SETBP1: variants seen among roughly 807,000 people sequenced by gnomAD.
The protein encoded by SETBP1 is SET binding protein 1, also known as SET-binding protein.
In SETBP1, 9 loss-of-function variants were observed where a neutral mutation model predicts 101.0. That is an observed-to-expected ratio of 0.09 (90% CI 0.05 to 0.16). The LOEUF is 0.16. Among genes scored for constraint, SETBP1 ranks in the 10% least tolerant of loss-of-function variants. The pLI is 1.00. For synonymous variants in SETBP1, 818 were observed against 788.5 expected, an observed-to-expected ratio of 1.04 and a Z score of -0.63; for missense variants, 1,858 against 2,033.8, an observed-to-expected ratio of 0.91 and a Z score of 1.66.
intron 4 of SETBP1, among the ~76,000 whole-genome samples, chr18:45,026,588 C>T (rs551062436): frequency 1.3e-4 from 20 of 152,302 alleles, no homozygotes; most frequent in African/African-American, 4.6e-4. Context: ...AAGGATGTAA[C>T]GTGCATACTT....
At chr18:44,688,207 G>C (rs1052946158) in intron 1 of SETBP1, among the ~76,000 whole-genome samples, 1 of 152,208 alleles carries the variant, frequency 6.6e-6, no homozygotes, top group Non-Finnish European at 1.5e-5. Context: ...GCCAAATTTA[G>C]TAAACAGCAA....
intron 2 of SETBP1, among the ~76,000 whole-genome samples, chr18:44,837,158 T>C (rs1010338419): frequency 2.0e-5 from 3 of 152,198 alleles, no homozygotes; most frequent in Non-Finnish European, 4.4e-5. Context: ...TACAAGTCCC[T>C]GTTCAAGGTG....
intron 2 of SETBP1, among the ~76,000 whole-genome samples, chr18:44,831,161 A>G (rs9953195): frequency 0.027 from 4,152 of 152,308 alleles, 198 homozygotes; most frequent in African/African-American, 0.094. Context: ...ATTGCCTATG[A>G]TGAACCGTTC....
chr18:44,782,074 G>A (rs781015858), intron 2 of SETBP1, among the ~76,000 whole-genome samples: 10 of 152,204 alleles, frequency 6.6e-5, no homozygotes, highest in Non-Finnish European at 1.3e-4. Context: ...GGAAAATGAA[G>A]TAGCTGTTAG....
chr18:44,873,150 C>G (rs1042755684), intron 3 of SETBP1, among the ~76,000 whole-genome samples: 2 of 152,226 alleles, frequency 1.3e-5, no homozygotes, highest in African/African-American at 2.4e-5. Flanking sequence ...CTTTCACTCA[C>G]TTAGTTGCCA....
At chr18:44,890,810 T>C (rs776276318) in intron 3 of SETBP1, among the ~76,000 whole-genome samples, 6 of 152,126 alleles carry the variant, frequency 3.9e-5, no homozygotes, top group Non-Finnish European at 5.9e-5. Context: ...TCTAAGGAAC[T>C]GAGGATGGAG....
intron 2 of SETBP1, among the ~76,000 whole-genome samples, chr18:44,809,430 T>C (rs2071813200): frequency 6.6e-6 from 1 of 152,172 alleles, no homozygotes; most frequent in African/African-American, 2.4e-5. Context: ...AAGAGTAATG[T>C]GTACATTTGA....
intron 3 of SETBP1, among the ~76,000 whole-genome samples, chr18:44,941,077 C>CTTTT (rs71177660): frequency 2.5e-4 from 19 of 74,870 alleles, no homozygotes; most frequent in African/African-American, 3.5e-4. Context: ...AGAAGTCAGA[C>CTTTT]TTTTTTTTTT....
intron 3 of SETBP1, chr18:44,876,510 A>G (rs1478917635): frequency 7.0e-6 from 9 of 1,281,662 alleles, no homozygotes; most frequent in Non-Finnish European, 1.0e-5. Context: ...TGGGGTCTGG[A>G]TATTGGTATT....
rs561297044 is a variant in SETBP1, at chr18:45,030,406, G to A, written c.4001-8079G>A. ...AGCTTTTTGATGTGCTGCTGGATTC[G>A]GTTTGCCAGTATTTTATTGAGGATT... On this transcript the variant is annotated intron_variant, in intron 4 of 5. Coordinates refer to ENST00000649279, the MANE Select transcript of SETBP1 (RefSeq NM_015559.3). Among the ~76,000 whole-genome samples the A allele has an allele frequency of 2.6e-3, 339 of 128,014 alleles. 4 individuals carry two copies. The highest frequency in any genetic ancestry group is 9.6e-3 in the African/African-American group (307 of 31,834). 84.0% of individuals were successfully genotyped at this position (128,014 alleles called of 152,430 possible). A position where few individuals can be genotyped will look rare whatever the true frequency, so the allele number is the denominator to read the frequency against.
intron 1 of SETBP1, among the ~76,000 whole-genome samples, chr18:44,690,310 G>C (rs2068908249): frequency 6.6e-6 from 1 of 152,168 alleles, no homozygotes; most frequent in South Asian, 2.1e-4. Context: ...TAGTTCTCTG[G>C]TATGCTTAGC....
At chr18:44,955,496 G>A (rs2071462781) in intron 4 of SETBP1, among the ~76,000 whole-genome samples, 1 of 152,192 alleles carries the variant, frequency 6.6e-6, no homozygotes, top group Non-Finnish European at 1.5e-5. Context: ...CAGACCTCTT[G>A]TGTATAGTGT....
chr18:44,836,131 T>C (rs1255236193), intron 2 of SETBP1, among the ~76,000 whole-genome samples: 2 of 151,768 alleles, frequency 1.3e-5, no homozygotes, highest in East Asian at 3.9e-4. Flanking sequence ...TTTTTTTTTT[T>C]ATTGTAAATG....
intron 2 of SETBP1, among the ~76,000 whole-genome samples, chr18:44,863,400 T>C (rs1252264767): frequency 1.3e-5 from 2 of 152,056 alleles, no homozygotes; most frequent in African/African-American, 4.8e-5. Flanking sequence ...CAATGGAGAG[T>C]GTGGGGCTAG....
chr18:44,743,063 A>G (rs1286836459), intron 2 of SETBP1, among the ~76,000 whole-genome samples: 1 of 128,790 alleles, frequency 7.8e-6, no homozygotes, highest in African/African-American at 3.0e-5. Context: ...CTTATTCTCC[A>G]CCTTCCTCCC....
intron 3 of SETBP1, among the ~76,000 whole-genome samples, chr18:44,946,016 A>G (rs957735201): frequency 2.6e-5 from 4 of 152,226 alleles, no homozygotes; most frequent in African/African-American, 9.6e-5. Flanking sequence ...TTGTGAATAT[A>G]ATATGTCATG....
intron 2 of SETBP1, among the ~76,000 whole-genome samples, chr18:44,744,915 T>A (rs1032216861): frequency 5.9e-5 from 9 of 152,240 alleles, no homozygotes; most frequent in African/African-American, 2.2e-4. Flanking sequence ...TGGCGGGATG[T>A]CGGATTGATT....
intron 2 of SETBP1, among the ~76,000 whole-genome samples, chr18:44,816,580 C>T (rs2071983098): frequency 6.6e-6 from 1 of 152,154 alleles, no homozygotes; most frequent in Non-Finnish European, 1.5e-5. Flanking sequence ...GACGGGAGTC[C>T]TTTCTGTGCA....
intron 3 of SETBP1, among the ~76,000 whole-genome samples, chr18:44,913,208 C>T (rs2070352470): frequency 1.3e-5 from 2 of 152,194 alleles, no homozygotes; most frequent in Non-Finnish European, 2.9e-5. Context: ...AGTTCAGCTT[C>T]CCATACGCCC....
Sources: allele counts gnomAD v4.1 joint callset (sites outside exome capture counted in the v4.1 genomes callset), GRCh38; gene constraint gnomAD v4.1.1; transcripts MANE v1.5; gene names NCBI Gene and HGNC (gene_info 2026-07-23, HGNC 2026-07-21).